Variants in PHACTR3 observed in about 807,000 individuals in gnomAD.
PHACTR3 encodes phosphatase and actin regulator 3, also known as protein phosphatase 1, regulatory subunit 123.
A neutral mutation model predicts 66.8 loss-of-function variants in PHACTR3; 16 were observed. That is an observed-to-expected ratio of 0.24 (90% CI 0.16 to 0.36). The LOEUF (loss-of-function observed/expected upper bound fraction) is 0.36. Ranked by LOEUF, PHACTR3 falls within the 10% of genes least tolerant of loss-of-function variation. The pLI is 1.00. For missense variants in PHACTR3, 647 were observed against 719.9 expected (o/e 0.90, Z 1.16); for synonymous variants, 323 against 292.1 (o/e 1.11, Z -1.08).
At chr20:59,602,750 C>T (rs1015956611), upstream of PHACTR3, among the ~76,000 whole-genome samples, 3 of 152,324 alleles carry the variant, frequency 2.0e-5, no homozygotes, top group Middle Eastern at 3.4e-3. Flanking sequence ...GTTCACTCAC[C>T]CAGACTCGGA....
chr20:59,787,552 G>A (rs2040954197), intron 7 of PHACTR3, among the ~76,000 whole-genome samples: 1 of 152,160 alleles, frequency 6.6e-6, no homozygotes, highest in South Asian at 2.1e-4. Flanking sequence ...AGAGATATAG[G>A]GACATCTTTG....
chr20:59,647,211 C>T (rs898953755), intron 1 of PHACTR3, among the ~76,000 whole-genome samples: 2 of 152,172 alleles, frequency 1.3e-5, no homozygotes, highest in Non-Finnish European at 2.9e-5. Flanking sequence ...TACATGGCAG[C>T]AGGCAAGAGA....
intron 7 of PHACTR3, among the ~76,000 whole-genome samples, chr20:59,781,828 G>A (rs1191249526): frequency 1.3e-5 from 2 of 152,126 alleles, no homozygotes; most frequent in African/African-American, 4.8e-5. Flanking sequence ...AGCAAGCACA[G>A]GGGGGTTCTA....
intron 7 of PHACTR3, among the ~76,000 whole-genome samples, chr20:59,795,264 A>C (rs1431624535): frequency 6.6e-6 from 1 of 151,628 alleles, no homozygotes; most frequent in Non-Finnish European, 1.5e-5. Context: ...CAGGAGCATG[A>C]TGTTTTATTT....
intron 1 of PHACTR3, among the ~76,000 whole-genome samples, chr20:59,668,771 G>A (rs900918819): frequency 2.6e-5 from 4 of 152,152 alleles, no homozygotes; most frequent in African/African-American, 4.8e-5. Flanking sequence ...GCATGATCTC[G>A]GCTCACTGCA....
At chr20:59,778,653 TG>T (rs1356533582) in intron 7 of PHACTR3, among the ~76,000 whole-genome samples, 3 of 152,234 alleles carry the variant, frequency 2.0e-5, no homozygotes, top group African/African-American at 4.8e-5. Flanking sequence ...TAGTTCTTAC[TG>T]TGCGCACAGC....
chr20:59,591,489 A>G lies in PHACTR3; in HGVS notation c.109+13872A>G, dbSNP rs1406080735. On this transcript the variant is annotated intron_variant, in intron 1 of 12. Transcript: ENST00000359926. ...ATGAGGAAACTGAGGCCTCAGGAAGACAGCTGAGGTGTTTTTGGGTGAGGT... is the reference window on the plus strand; with the variant it reads ...ATGAGGAAACTGAGGCCTCAGGAAGGCAGCTGAGGTGTTTTTGGGTGAGGT... Among the ~76,000 whole-genome samples, 4 of 152,180 alleles carry G rather than the reference A, an allele frequency of 2.6e-5. No homozygotes were observed. The South Asian group carries it at 6.2e-4, about 24-fold the overall frequency.
At position 59,738,431 on chromosome 20, in the gene PHACTR3, T is replaced by C. The variant is rs1249762231; in HGVS notation, c.119-4676T>C. Among the ~76,000 whole-genome samples the C allele has an allele frequency of 2.1e-5, 3 of 140,892 alleles. No homozygotes were observed. The highest frequency in any genetic ancestry group is 8.4e-5 in the African/African-American group (3 of 35,520). 92.4% of individuals were successfully genotyped at this position (140,892 alleles called of 152,430 possible). A position where few individuals can be genotyped will look rare whatever the true frequency, so the allele number is the denominator to read the frequency against. On this transcript the variant is annotated intron_variant, in intron 1 of 12. Coordinates refer to ENST00000371015, the MANE Select transcript of PHACTR3 (RefSeq NM_080672.5). This position sits in a 1 kb window ranked among gnomAD's most constrained non-coding sequence, Gnocchi z 4.4. ...GGAAGCGAGCAGGAAGTGATAGGGT[T>C]AGAGCTCTATTTCTAAGACATCGGA...
intron 9 of PHACTR3, among the ~76,000 whole-genome samples, chr20:59,839,675 G>T (rs986274083): frequency 6.6e-6 from 1 of 152,150 alleles, no homozygotes; most frequent in African/African-American, 2.4e-5. Flanking sequence ...GTAGGTGCGA[G>T]CACAGCTTGA....
intron 1 of PHACTR3, among the ~76,000 whole-genome samples, chr20:59,613,905 C>T (rs2033940357): frequency 6.6e-6 from 1 of 152,204 alleles, no homozygotes; most frequent in African/African-American, 2.4e-5. Context: ...CTGTTCCTCA[C>T]AGAGCCAATC....
At chr20:59,584,457 T>C (rs1467221786) in intron 1 of PHACTR3, among the ~76,000 whole-genome samples, 1 of 151,974 alleles carries the variant, frequency 6.6e-6, no homozygotes, top group Non-Finnish European at 1.5e-5. Context: ...TGCAGGAGTG[T>C]GTGTGAAGGT....
rs554411639 is a variant in PHACTR3 at position 59,687,256 on chromosome 20, G to C, written c.119-55851G>C. On this transcript the variant is annotated intron_variant, in intron 1 of 12. Coordinates refer to ENST00000371015, the MANE Select transcript of PHACTR3 (RefSeq NM_080672.5). ...GATTGTGATGGTGGTGGTGATAGTGGTGATGATGGTGATGATGATCATAGT... is the reference window on the plus strand; with the variant it reads ...GATTGTGATGGTGGTGGTGATAGTGCTGATGATGGTGATGATGATCATAGT... Among the ~76,000 whole-genome samples, 70 of 151,890 alleles carry C rather than the reference G, an allele frequency of 4.6e-4. 1 individual carries two copies. Among genetic ancestry groups the C allele is most frequent in the African/African-American group, 1.6e-3 (66 of 41,406 alleles).
chr20:59,720,952 G>C (rs1469920687), intron 1 of PHACTR3, among the ~76,000 whole-genome samples: 1 of 127,670 alleles, frequency 7.8e-6, no homozygotes, highest in Admixed American at 7.2e-5. Context: ...GTGGATTTCT[G>C]TACTGGGTGT....
intron 8 of PHACTR3, among the ~76,000 whole-genome samples, chr20:59,810,459 C>A (rs185548562): frequency 1.3e-5 from 2 of 152,274 alleles, no homozygotes; most frequent in East Asian, 1.9e-4. Flanking sequence ...TTCCTGGAGG[C>A]GCCATTTGTT....
chr20:59,621,077 A>G (rs1440288212), intron 1 of PHACTR3, among the ~76,000 whole-genome samples: 5 of 152,104 alleles, frequency 3.3e-5, no homozygotes, highest in Non-Finnish European at 5.9e-5. Flanking sequence ...GAGTGCTCCC[A>G]TCATTGTCTG....
At chr20:59,811,029 C>A (rs138480294) in intron 8 of PHACTR3, among the ~76,000 whole-genome samples, 1 of 152,234 alleles carries the variant, frequency 6.6e-6, no homozygotes, top group African/African-American at 2.4e-5. Flanking sequence ...GCCTTACTTT[C>A]TTTCATTTAT....
intron 1 of PHACTR3, among the ~76,000 whole-genome samples, chr20:59,682,051 G>A (rs1200106235): frequency 6.6e-6 from 1 of 151,608 alleles, no homozygotes; most frequent in Non-Finnish European, 1.5e-5. Flanking sequence ...AAATAATCAG[G>A]CCTCTTGGCT....
chr20:59,749,609 C>T (rs2039504712), intron 3 of PHACTR3, among the ~76,000 whole-genome samples: 1 of 152,130 alleles, frequency 6.6e-6, no homozygotes, highest in Non-Finnish European at 1.5e-5. Context: ...AGATCAGGGT[C>T]GGCAAACCTT....
intron 1 of PHACTR3, among the ~76,000 whole-genome samples, chr20:59,616,911 C>T (rs2034043407): frequency 6.6e-6 from 1 of 152,116 alleles, no homozygotes. Context: ...GTGGGGTAAG[C>T]TCAGAGCGTT....
Sources: allele counts gnomAD v4.1 joint callset (sites outside exome capture counted in the v4.1 genomes callset), GRCh38; gene constraint gnomAD v4.1.1; non-coding constraint Gnocchi (gnomAD v3.1); transcripts MANE v1.5; gene names NCBI Gene and HGNC (gene_info 2026-07-23, HGNC 2026-07-21).